SLC2A13: variants seen among roughly 807,000 people sequenced by gnomAD.
SLC2A13 encodes the protein proton myo-inositol cotransporter.
SLC2A13 carries 32 observed loss-of-function variants against 64.4 expected under a neutral mutation model. The ratio of observed to expected loss-of-function variants is 0.50; its 90% confidence interval spans 0.37 to 0.67. SLC2A13 has a LOEUF of 0.67. SLC2A13 is among the 30% of genes least tolerant of loss of function. The probability of loss-of-function intolerance (pLI) is 0.00; values close to 1 mark genes in which losing one functional copy is unlikely to be tolerated. For synonymous variants in SLC2A13, 338 were observed against 327.1 expected, an observed-to-expected ratio of 1.03 and a Z score of -0.36; for missense variants, 743 against 829.2, an observed-to-expected ratio of 0.90 and a Z score of 1.28.
chr12:39,888,988 G>GTAATTAAT (rs1346985092), intron 4 of SLC2A13, among the ~76,000 whole-genome samples: 7 of 151,932 alleles, frequency 4.6e-5, no homozygotes, highest in Admixed American at 4.6e-4. Context: ...AAAAATACAA[G>GTAATTAAT]TCGGGATTCA....
chr12:39,761,132 T>C (rs961983917), intron 9 of SLC2A13, among the ~76,000 whole-genome samples: 12 of 152,112 alleles, frequency 7.9e-5, no homozygotes, highest in Admixed American at 5.9e-4. Flanking sequence ...AATGTGACAA[T>C]TGGCTGGAGA....
intron 1 of SLC2A13, among the ~76,000 whole-genome samples, chr12:40,083,680 G>A (rs1432334174): frequency 6.6e-6 from 1 of 152,190 alleles, no homozygotes; most frequent in African/African-American, 2.4e-5. Context: ...CTGACTAGAA[G>A]GAGGGGGTTT....
intron 7 of SLC2A13, among the ~76,000 whole-genome samples, chr12:39,776,565 C>A (rs1321844239): frequency 2.0e-5 from 3 of 152,148 alleles, no homozygotes; most frequent in African/African-American, 7.2e-5. Flanking sequence ...GACAGAGAAG[C>A]CTGTAGGCAG....
intron 2 of SLC2A13, among the ~76,000 whole-genome samples, chr12:40,029,091 A>T (rs1947867826): frequency 6.6e-6 from 1 of 152,206 alleles, no homozygotes; most frequent in African/African-American, 2.4e-5. Flanking sequence ...TGGAGTCAGA[A>T]ATCAATAATC....
At chr12:39,868,416 C>G (rs941882916) in intron 5 of SLC2A13, among the ~76,000 whole-genome samples, 2 of 152,174 alleles carry the variant, frequency 1.3e-5, no homozygotes, top group African/African-American at 4.8e-5. Flanking sequence ...AATAATTTCC[C>G]TTCCCATGAC....
At chr12:40,028,181 C>T in intron 3 of SLC2A13, 120 bp downstream of exon 3, 1 of 447,828 alleles carries the variant, frequency 2.2e-6, no homozygotes, top group Non-Finnish European at 3.7e-6. Context: ...ATATAAATAT[C>T]CATATTTATA....
intron 1 of SLC2A13, among the ~76,000 whole-genome samples, chr12:40,063,657 C>T (rs1948462366): frequency 6.6e-6 from 1 of 152,078 alleles, no homozygotes; most frequent in Admixed American, 6.6e-5. Context: ...CATGCACGTT[C>T]ATTTGGATGA....
chr12:39,926,575 T>C (rs1436580747), intron 4 of SLC2A13, among the ~76,000 whole-genome samples: 1 of 152,124 alleles, frequency 6.6e-6, no homozygotes. Flanking sequence ...GGTAATAAAA[T>C]CATCTTTACT....
rs367699525 is a variant in SLC2A13 at position 39,758,010 on chromosome 12, T to C, written c.*2016A>G. On this transcript the variant is annotated 3_prime_UTR_variant, in exon 10 of 10. Transcript: ENST00000280871. The stretch of plus-strand genomic sequence containing the variant: ...AGCTTATTTTTCACTTCAATTTACC[T>C]GTGTAAAATATTAGATAAGAAATTT... 1.3e-5 allele frequency: 2 copies of C among 151,958 alleles called. No homozygotes were observed. 9.4% of individuals were successfully genotyped at this position (151,958 alleles called of 1,614,324 possible).
At chr12:39,939,835 G>A (rs1049152498) in intron 4 of SLC2A13, among the ~76,000 whole-genome samples, 6 of 152,064 alleles carry the variant, frequency 3.9e-5, no homozygotes, top group South Asian at 2.1e-4. Flanking sequence ...TATTTCAAAC[G>A]TTTTAGCTTC....
intron 3 of SLC2A13, among the ~76,000 whole-genome samples, chr12:39,966,615 T>C (rs1256998835): frequency 5.9e-5 from 9 of 152,190 alleles, no homozygotes; most frequent in Admixed American, 5.2e-4. Context: ...CAGTGACTGC[T>C]AGTCTGAGAA....
intron 7 of SLC2A13, among the ~76,000 whole-genome samples, chr12:39,816,185 G>A (rs896641819): frequency 3.3e-5 from 5 of 151,986 alleles, no homozygotes; most frequent in East Asian, 3.9e-4. Flanking sequence ...TTGGATCTAC[G>A]CTAGTTATGA....
chr12:39,911,248 TA>T lies in SLC2A13; in HGVS notation c.1035-39288del, dbSNP rs978803284. Reference sequence around the variant, plus strand: ...GGCAAGAACACGACTATATTTATCTTAAAAAAAATGAGTTTTTAAAAATTAA... The same window carrying T: ...GGCAAGAACACGACTATATTTATCTTAAAAAAATGAGTTTTTAAAAATTAA... On this transcript the variant is annotated intron_variant, in intron 4 of 9. Transcript: ENST00000280871. 1.2e-4 allele frequency among the ~76,000 whole-genome samples: 18 copies of T among 152,042 alleles called. No homozygotes were observed. The East Asian group carries it at 1.7e-3, about 15-fold the overall frequency.
chr12:39,842,052 T>A (rs922530716), intron 6 of SLC2A13, among the ~76,000 whole-genome samples: 1 of 152,062 alleles, frequency 6.6e-6, no homozygotes, highest in Non-Finnish European at 1.5e-5. Context: ...AAACCTCAGA[T>A]TTACAGAGGT....
chr12:39,893,207 C>T lies in SLC2A13; in HGVS notation c.1035-21246G>A, dbSNP rs960774252. On this transcript the variant is annotated intron_variant, in intron 4 of 9. Transcript: ENST00000280871. ...GATTGGCCAATTTTCTAGAAAAATG[C>T]TTAGCAACATTCTAAATGAATACTT... Among the ~76,000 whole-genome samples the T allele has an allele frequency of 1.1e-4, 17 of 152,276 alleles. No homozygotes were observed. In the East Asian group the frequency reaches 3.3e-3, roughly 29 times the overall value.
chr12:40,077,394 T>C (rs1938218201), intron 1 of SLC2A13, among the ~76,000 whole-genome samples: 1 of 152,144 alleles, frequency 6.6e-6, no homozygotes, highest in African/African-American at 2.4e-5. Flanking sequence ...TCAAACACCA[T>C]TTATTAAATA....
At chr12:40,058,692 A>G (rs1010999037) in intron 1 of SLC2A13, among the ~76,000 whole-genome samples, 2 of 152,190 alleles carry the variant, frequency 1.3e-5, no homozygotes, top group Non-Finnish European at 2.9e-5. Context: ...GGCAGGCACT[A>G]ATTATGGTGA....
chr12:39,990,347 T>TG (rs1947112314), intron 3 of SLC2A13, among the ~76,000 whole-genome samples: 1 of 152,178 alleles, frequency 6.6e-6, no homozygotes, highest in Non-Finnish European at 1.5e-5. Flanking sequence ...ATTGAATGAA[T>TG]AACATTCACA....
chr12:40,074,306 C>G (rs1159058910), intron 1 of SLC2A13, among the ~76,000 whole-genome samples: 1 of 151,876 alleles, frequency 6.6e-6, no homozygotes, highest in Non-Finnish European at 1.5e-5. Context: ...GATGGAACTA[C>G]AGGCATGCAC....
Sources: allele counts gnomAD v4.1 joint callset (sites outside exome capture counted in the v4.1 genomes callset), GRCh38; gene constraint gnomAD v4.1.1; transcripts MANE v1.5; gene names NCBI Gene and HGNC (gene_info 2026-07-23, HGNC 2026-07-21).